Variants in GALNT13 observed in about 807,000 individuals in gnomAD.
The protein encoded by GALNT13 is polypeptide N-acetylgalactosaminyltransferase 13, also known as UDP-GalNAc:polypeptide N-acetylgalactosaminyltransferase 13.
GALNT13 carries 28 observed loss-of-function variants against 64.2 expected under a neutral mutation model. That is an observed-to-expected ratio of 0.44 (90% CI 0.32 to 0.60). The LOEUF is 0.60. GALNT13 is among the 20% of genes least tolerant of loss of function. The pLI is 0.05. For missense variants in GALNT13, 577 were observed against 669.8 expected, an observed-to-expected ratio of 0.86 and a Z score of 1.53; for synonymous variants, 214 against 224.6, an observed-to-expected ratio of 0.95 and a Z score of 0.42.
chr2:153,140,063 T>C, the GALNT13 span, among the ~76,000 whole-genome samples: 119 of 152,114 alleles, frequency 7.8e-4, 2 homozygotes, highest in East Asian at 0.022. Context: ...GGACATCAGG[T>C]CTGGCATTTG....
At chr2:153,502,949 T>G in the GALNT13 span, among the ~76,000 whole-genome samples, 3 of 152,204 alleles carry the variant, frequency 2.0e-5, no homozygotes, top group Non-Finnish European at 2.9e-5. Context: ...TCTTGCTGAT[T>G]TGTTTGAATT....
the GALNT13 span, among the ~76,000 whole-genome samples, chr2:153,158,706 A>G: frequency 1.3e-5 from 2 of 152,158 alleles, no homozygotes; most frequent in African/African-American, 2.4e-5. Flanking sequence ...AAAATATTCT[A>G]TTGTATGGGA....
the GALNT13 span, among the ~76,000 whole-genome samples, chr2:153,201,120 C>T: frequency 6.6e-6 from 1 of 152,182 alleles, no homozygotes; most frequent in Non-Finnish European, 1.5e-5. Context: ...CAGAATCACA[C>T]AACTCCATCT....
At chr2:153,954,620 TTATAA>T (rs1226769777) in intron 3 of GALNT13, among the ~76,000 whole-genome samples, 1 of 150,262 alleles carries the variant, frequency 6.7e-6, no homozygotes, top group Non-Finnish European at 1.5e-5. Flanking sequence ...TAATAATTTA[TTATAA>T]TAAATAAATA....
intron 8 of GALNT13, among the ~76,000 whole-genome samples, chr2:154,283,154 G>C (rs537055341): frequency 6.6e-6 from 1 of 152,196 alleles, no homozygotes; most frequent in South Asian, 2.1e-4. Flanking sequence ...TAAGAATTAC[G>C]GGATTTGTCA....
intron 1 of GALNT13, among the ~76,000 whole-genome samples, chr2:153,894,087 G>T (rs1302082375): frequency 1.3e-5 from 2 of 152,060 alleles, no homozygotes; most frequent in African/African-American, 4.8e-5. Flanking sequence ...GTAGCGAGGG[G>T]CCAGTGGTGA....
intron 11 of GALNT13, among the ~76,000 whole-genome samples, chr2:154,419,871 A>G (rs1325694143): frequency 6.6e-6 from 1 of 152,168 alleles, no homozygotes; most frequent in East Asian, 1.9e-4. Flanking sequence ...CAGTGCAAAT[A>G]GTAGGACAAA....
At chr2:153,160,121 G>T in the GALNT13 span, among the ~76,000 whole-genome samples, 14 of 152,162 alleles carry the variant, frequency 9.2e-5, no homozygotes, top group Admixed American at 9.2e-4. Context: ...ATCTTGTGAG[G>T]CTCAGTTTTA....
At chr2:153,664,227 GA>G in the GALNT13 span, among the ~76,000 whole-genome samples, 1 of 152,270 alleles carries the variant, frequency 6.6e-6, no homozygotes, top group Admixed American at 6.5e-5. Flanking sequence ...ACGTAAGACA[GA>G]CACTCCCAGA....
chr2:153,280,341 T>C, the GALNT13 span, among the ~76,000 whole-genome samples: 1 of 152,140 alleles, frequency 6.6e-6, no homozygotes, highest in Admixed American at 6.5e-5. Flanking sequence ...ATTCTTTGCA[T>C]TGATTTTTGG....
the GALNT13 span, among the ~76,000 whole-genome samples, chr2:153,584,056 G>C: frequency 1.6e-4 from 24 of 152,286 alleles, no homozygotes; most frequent in South Asian, 2.3e-3. Flanking sequence ...AGCTGGGGTA[G>C]GGGAGGGAGC....
At chr2:154,031,679 T>A (rs913749787) in intron 3 of GALNT13, among the ~76,000 whole-genome samples, 1 of 151,814 alleles carries the variant, frequency 6.6e-6, no homozygotes, top group Non-Finnish European at 1.5e-5. Context: ...GACAAAGAAA[T>A]CAATTTTCCA....
At chr2:153,636,105 C>T in the GALNT13 span, among the ~76,000 whole-genome samples, 10 of 152,046 alleles carry the variant, frequency 6.6e-5, no homozygotes, top group South Asian at 8.4e-4. Flanking sequence ...ACAAAACGCC[C>T]GTTATATAAA....
Position 154,322,144 on chromosome 2 carries a change from C to CTTTTTTTTTT in GALNT13, c.1156+20576_1156+20585dup, listed in dbSNP as rs70983718. 2.1e-3 allele frequency among the ~76,000 whole-genome samples: 35 copies of CTTTTTTTTTT among 16,634 alleles called. 4 individuals carry two copies. The highest frequency in any genetic ancestry group is 5.4e-3 in the East Asian group (3 of 554). The allele number at this position is 16,634 out of a possible 152,430, so 10.9% of individuals were successfully genotyped here. A position where few individuals can be genotyped will look rare whatever the true frequency, so the allele number is the denominator to read the frequency against. ...TTGAGTTTACTTTCTAAAATATGTA[C>CTTTTTTTTTT]TTTTTTTTTTTTTTTTTTTTTTTTT... On this transcript the variant is annotated intron_variant, in intron 9 of 12. Transcript: ENST00000392825.
the GALNT13 span, among the ~76,000 whole-genome samples, chr2:153,480,854 C>G: frequency 1.3e-5 from 2 of 152,076 alleles, no homozygotes; most frequent in Admixed American, 1.3e-4. Context: ...CTTTATGTGA[C>G]AAAAACCAAG....
intron 4 of GALNT13, among the ~76,000 whole-genome samples, chr2:154,223,284 A>G (rs1483127946): frequency 6.6e-6 from 1 of 152,102 alleles, no homozygotes; most frequent in Admixed American, 6.6e-5. Context: ...ACCATGTTTC[A>G]TACAGCTAAA....
intron 1 of GALNT13, among the ~76,000 whole-genome samples, chr2:153,893,836 G>A (rs1261031037): frequency 6.6e-6 from 1 of 151,994 alleles, no homozygotes; most frequent in African/African-American, 2.4e-5. Flanking sequence ...GTGAAATTTT[G>A]CCTGTATATC....
At chr2:153,628,829 T>A in the GALNT13 span, among the ~76,000 whole-genome samples, 23 of 152,166 alleles carry the variant, frequency 1.5e-4, no homozygotes, top group Admixed American at 3.3e-4. Context: ...TGTCTCTGCC[T>A]GGCTTTGGTA....
chr2:153,557,444 C>A, the GALNT13 span, among the ~76,000 whole-genome samples: 36 of 152,318 alleles, frequency 2.4e-4, no homozygotes, highest in African/African-American at 8.4e-4. Context: ...TGCCTTACCT[C>A]ACTTCCATCC....
Sources: gnomAD v4.1 joint callset for allele counts (sites outside exome capture counted in the v4.1 genomes callset) on GRCh38, gnomAD v4.1.1 for gene constraint, MANE v1.5 for transcripts, NCBI Gene and HGNC (gene_info 2026-07-23, HGNC 2026-07-21) for gene names.